The following ATP10D variants were observed in gnomAD, a reference collection of about 807,000 sequenced individuals.
The protein encoded by ATP10D is phospholipid-transporting ATPase VD.
In ATP10D, 89 loss-of-function variants were observed where a neutral mutation model predicts 144.8. The observed-to-expected ratio is 0.61, with a 90% CI of 0.52 to 0.73. The LOEUF (loss-of-function observed/expected upper bound fraction) is 0.73. Among genes scored for constraint, ATP10D ranks in the 30% least tolerant of loss-of-function variants. The probability of loss-of-function intolerance (pLI) is 0.00; values close to 1 mark genes in which losing one functional copy is unlikely to be tolerated. For missense variants in ATP10D, 1,603 were observed against 1,714.8 expected (o/e 0.93, Z 1.15); for synonymous variants, 571 against 615.1 (o/e 0.93, Z 1.06).
At chr4:47,565,417 G>T (rs994050516) in intron 15 of ATP10D, among the ~76,000 whole-genome samples, 4 of 152,188 alleles carry the variant, frequency 2.6e-5, no homozygotes, top group Admixed American at 2.6e-4. Context: ...GGGCAGAACA[G>T]AAGAAAATGC....
intron 1 of ATP10D, among the ~76,000 whole-genome samples, chr4:47,498,966 G>A (rs2109387946): frequency 6.6e-6 from 1 of 152,250 alleles, no homozygotes; most frequent in South Asian, 2.1e-4. Flanking sequence ...TGGGAAATTT[G>A]TGTTCTTCTG....
At chr4:47,542,618 C>T (rs1226762740) in intron 9 of ATP10D, among the ~76,000 whole-genome samples, 2 of 152,034 alleles carry the variant, frequency 1.3e-5, no homozygotes, top group Non-Finnish European at 2.9e-5. Flanking sequence ...GCTGGGATTA[C>T]AGGTGCCCGC....
chr4:47,548,849 A>G (rs922538976), intron 10 of ATP10D, among the ~76,000 whole-genome samples: 1 of 152,244 alleles, frequency 6.6e-6, no homozygotes. Flanking sequence ...TTTTGAGAAA[A>G]CTACATAATA....
Position 47,568,856 on chromosome 4 carries a change from T to G in ATP10D, c.2873T>G (p.Met958Arg). The G allele has an allele frequency of 1.2e-6, 2 of 1,613,996 alleles. No homozygotes were observed. Among genetic ancestry groups the G allele is most frequent in the Non-Finnish European group, 1.7e-6 (2 of 1,179,924 alleles). Residue 958 changes from methionine (M) to arginine (R), a missense_variant, in exon 16 of 23, where the codon ATG becomes AGG. Transcript: ENST00000273859. Reference sequence around the variant, plus strand: ...TTCAAGGATGCCTGTGGGATGCTGATGAGCACAATTTTGAAAGAACTTCAG... The same window carrying G: ...TTCAAGGATGCCTGTGGGATGCTGAGGAGCACAATTTTGAAAGAACTTCAG... The part of the protein sequence containing the change: ...TQSKDACGML[M>R]STILKELQKK...
chr4:47,498,647 G>T (rs6447561), intron 1 of ATP10D, among the ~76,000 whole-genome samples: 151,006 of 152,336 alleles, frequency 0.99, 74,856 homozygotes, highest in East Asian at 1. Context: ...AAGAGCATTT[G>T]TTGGGATGCA....
In ATP10D at chr4:47,571,057, C is replaced by G. The variant is rs527694181; in HGVS notation, c.3164-1097C>G. Among the ~76,000 whole-genome samples the G allele has an allele frequency of 9.9e-5, 15 of 152,004 alleles. No homozygotes were observed. The East Asian group carries it at 2.7e-3, about 27-fold the overall frequency. ...GCCACTAAAACTCCTGGGTTTCCATCCTATCCTATTAACAACTTGGGTGAA... is the reference window on the plus strand; with the variant it reads ...GCCACTAAAACTCCTGGGTTTCCATGCTATCCTATTAACAACTTGGGTGAA... On this transcript the variant is annotated intron_variant, in intron 16 of 22. Transcript: ENST00000273859.
At chr4:47,520,740 T>G (rs1290353528) in intron 3 of ATP10D, among the ~76,000 whole-genome samples, 2 of 152,020 alleles carry the variant, frequency 1.3e-5, no homozygotes, top group African/African-American at 2.4e-5. Flanking sequence ...GGCTAATTTT[T>G]TGTATTTTAG....
chr4:47,574,462 C>A (rs1322631846), intron 18 of ATP10D, among the ~76,000 whole-genome samples: 1 of 152,178 alleles, frequency 6.6e-6, no homozygotes, highest in Non-Finnish European at 1.5e-5. Flanking sequence ...GACCATGGTT[C>A]TTGGATGTTG....
At chr4:47,549,066 C>T (rs994984672) in intron 10 of ATP10D, among the ~76,000 whole-genome samples, 33 of 152,150 alleles carry the variant, frequency 2.2e-4, no homozygotes, top group African/African-American at 7.7e-4. Context: ...GAAGATGTAC[C>T]AGCCTTTGGG....
intron 4 of ATP10D, 85 bp from the exon 5 acceptor site, chr4:47,525,472 T>C: frequency 1.0e-6 from 1 of 983,060 alleles, no homozygotes; most frequent in Non-Finnish European, 1.6e-6. Context: ...AGCATTATTT[T>C]AAGAATTGAT....
At chr4:47,508,651 A>G (rs1167865281) in intron 1 of ATP10D, among the ~76,000 whole-genome samples, 1 of 152,266 alleles carries the variant, frequency 6.6e-6, no homozygotes, top group African/African-American at 2.4e-5. Context: ...CAAGGTCCAT[A>G]GTAACCTCTG....
In ATP10D at chr4:47,536,841, G is replaced by A. The variant is rs886982488; in HGVS notation, c.1299G>A (p.Gln433=). 4 of 1,613,400 alleles carry A rather than the reference G, an allele frequency of 2.5e-6. No individual in the cohort carries two copies. Among genetic ancestry groups the A allele is most frequent in the Non-Finnish European group, 3.4e-6 (4 of 1,179,704 alleles). ...TCGCCGAGGATCTGGGACAGATTCA[G>A]TACCTCTTTTCCGATAAGACAGGAA... ...LNIAEDLGQI[Q]YLFSDKTGTL... The change falls in exon 9 of 23, where the codon CAG becomes CAA. Residue 433 remains glutamine, a synonymous_variant. Coordinates refer to ENST00000273859, the MANE Select transcript of ATP10D (RefSeq NM_020453.4).
intron 1 of ATP10D, among the ~76,000 whole-genome samples, chr4:47,497,741 A>C (rs971008462): frequency 1.3e-5 from 2 of 152,246 alleles, no homozygotes; most frequent in African/African-American, 4.8e-5. Context: ...ATGAATAAGA[A>C]AATGGTAGTG....
At chr4:47,584,482 T>C (rs1440990277) in intron 21 of ATP10D, among the ~76,000 whole-genome samples, 2 of 152,174 alleles carry the variant, frequency 1.3e-5, no homozygotes, top group Non-Finnish European at 2.9e-5. Context: ...AAGCTCCGCC[T>C]CCCAGGTTCA....
intron 1 of ATP10D, among the ~76,000 whole-genome samples, chr4:47,508,926 T>C (rs1409355266): frequency 2.0e-5 from 3 of 152,230 alleles, no homozygotes; most frequent in Non-Finnish European, 4.4e-5. Context: ...TAAGATATTA[T>C]GATTTGTGAT....
chr4:47,500,808 T>G (rs1715643592), intron 1 of ATP10D, among the ~76,000 whole-genome samples: 1 of 151,866 alleles, frequency 6.6e-6, no homozygotes, highest in Admixed American at 6.6e-5. Flanking sequence ...AGAAACAAGG[T>G]CATCACCAGG....
chr4:47,535,343 AAAGC>A (rs1367945672), intron 5 of ATP10D, among the ~76,000 whole-genome samples, 162 bp from the exon 6 acceptor site: 1 of 151,976 alleles, frequency 6.6e-6, no homozygotes, highest in Non-Finnish European at 1.5e-5. Context: ...AACAAAAAAC[AAAGC>A]AAGTAACTGC....
chr4:47,590,048 G>A (rs1005002494), intron 22 of ATP10D, among the ~76,000 whole-genome samples: 3 of 152,070 alleles, frequency 2.0e-5, no homozygotes, highest in Non-Finnish European at 4.4e-5. Context: ...GAATTTTCAA[G>A]TACACTGATG....
chr4:47,538,190 A>G (rs1013200358), intron 9 of ATP10D, among the ~76,000 whole-genome samples: 2 of 151,996 alleles, frequency 1.3e-5, no homozygotes, highest in South Asian at 4.1e-4. Flanking sequence ...TTACCTTTTT[A>G]TATGTTTTTC....
Sources: allele counts gnomAD v4.1 joint callset (sites outside exome capture counted in the v4.1 genomes callset), GRCh38; gene constraint gnomAD v4.1.1; transcripts MANE v1.5; gene names NCBI Gene and HGNC (gene_info 2026-07-23, HGNC 2026-07-21).